CSMD1: variants seen among roughly 807,000 people sequenced by gnomAD.
CSMD1 encodes the protein CUB and Sushi multiple domains 1, also known as CUB and sushi domain-containing protein 1.
A neutral mutation model predicts 417.5 loss-of-function variants in CSMD1; 213 were observed. The observed-to-expected ratio is 0.51, with a 90% CI of 0.46 to 0.57. CSMD1 has a LOEUF of 0.57. Ranked by LOEUF, CSMD1 falls within the 20% of genes least tolerant of loss-of-function variation. The pLI, the probability that CSMD1 is intolerant of heterozygous loss-of-function variation, is 0.00. For missense variants in CSMD1, 6,923 were observed against 4,529.7 expected (o/e 1.53, Z -15.17); for synonymous variants, 2,862 against 1,736.8 (o/e 1.65, Z -16.11).
rs561234514 is a variant in CSMD1 at position 4,984,996 on chromosome 8, A to G, written c.85+9336T>C. ...CACTCAGAGATTCATCCTCTTTGTT[A>G]AAAATGTGATGTAGCCATGGAATAC... On this transcript the variant is annotated intron_variant, in intron 1 of 69. Coordinates refer to ENST00000635120, the MANE Select transcript of CSMD1 (RefSeq NM_033225.6). 2.6e-5 allele frequency among the ~76,000 whole-genome samples: 4 copies of G among 152,300 alleles called. No individual in the cohort carries two copies. In the South Asian group the frequency reaches 8.3e-4, roughly 32 times the overall value.
chr8:4,429,657 G>A (rs138846365), intron 2 of CSMD1, among the ~76,000 whole-genome samples: 2 of 152,218 alleles, frequency 1.3e-5, no homozygotes, highest in Admixed American at 6.5e-5. Context: ...GGCCCTTCAT[G>A]CTGGGTACCC....
chr8:3,909,867 G>A (rs1388356884), intron 5 of CSMD1, among the ~76,000 whole-genome samples: 1 of 152,086 alleles, frequency 6.6e-6, no homozygotes, highest in African/African-American at 2.4e-5. Flanking sequence ...CAAGTTGATG[G>A]AATGGGTACA....
At chr8:4,852,415 T>TGATGCAC in intron 1 of CSMD1, among the ~76,000 whole-genome samples, 1 of 152,266 alleles carries the variant, frequency 6.6e-6, no homozygotes, top group Non-Finnish European at 1.5e-5. Context: ...TCTTGCTATG[T>TGATGCAC]GATGCACTGT....
intron 5 of CSMD1, among the ~76,000 whole-genome samples, chr8:3,934,362 T>C (rs1810345920): frequency 6.6e-6 from 1 of 152,198 alleles, no homozygotes. Context: ...AAAATACATA[T>C]TTAGTCTTGC....
At chr8:4,347,781 G>A (rs1007343255) in intron 3 of CSMD1, among the ~76,000 whole-genome samples, 2 of 151,978 alleles carry the variant, frequency 1.3e-5, no homozygotes, top group African/African-American at 4.8e-5. Context: ...TAAAGTTTTA[G>A]TAACTCTAAA....
At chr8:4,210,576 C>G (rs1031530016) in intron 3 of CSMD1, among the ~76,000 whole-genome samples, 15 of 152,056 alleles carry the variant, frequency 9.9e-5, no homozygotes, top group African/African-American at 3.4e-4. Flanking sequence ...CAATATCTGA[C>G]CAATTTTCTA....
At chr8:4,192,314 G>T (rs1382921144) in intron 3 of CSMD1, among the ~76,000 whole-genome samples, 2 of 152,182 alleles carry the variant, frequency 1.3e-5, no homozygotes, top group Non-Finnish European at 2.9e-5. Context: ...CAATTACATT[G>T]TCCCATCAAG....
intron 10 of CSMD1, among the ~76,000 whole-genome samples, chr8:3,524,478 C>T (rs1156251024): frequency 6.6e-6 from 1 of 151,626 alleles, no homozygotes; most frequent in Non-Finnish European, 1.5e-5. Context: ...CCCAGAAAGA[C>T]ATGTGCACAC....
chr8:4,956,820 A>G (rs886415735), intron 1 of CSMD1, among the ~76,000 whole-genome samples: 3 of 152,156 alleles, frequency 2.0e-5, no homozygotes, highest in African/African-American at 7.2e-5. Context: ...CACCTGTTGC[A>G]TTGCTTCCAC....
At chr8:3,449,556 T>C (rs1158717043) in intron 12 of CSMD1, among the ~76,000 whole-genome samples, 5 of 152,128 alleles carry the variant, frequency 3.3e-5, no homozygotes, top group Non-Finnish European at 7.4e-5. Context: ...TCTCTCTTGT[T>C]GCCCAGGCTG....
intron 3 of CSMD1, among the ~76,000 whole-genome samples, chr8:4,333,898 T>C (rs950810066): frequency 6.6e-6 from 1 of 152,226 alleles, no homozygotes; most frequent in African/African-American, 2.4e-5. Flanking sequence ...TTATTTCTTT[T>C]TGTTTTGTTT....
At position 4,116,776 on chromosome 8, in the gene CSMD1, G is replaced by C. The variant is rs184668881; in HGVS notation, c.416-84677C>G. On this transcript the variant is annotated intron_variant, in intron 3 of 69. Transcript: ENST00000635120. Reference sequence around the variant, plus strand: ...GGCAGGGGGTGCGGGAAACTCTATAGTCTGTTCGGTTTTGCTGTCAACCTA... The same window carrying C: ...GGCAGGGGGTGCGGGAAACTCTATACTCTGTTCGGTTTTGCTGTCAACCTA... 7.7e-4 allele frequency among the ~76,000 whole-genome samples: 117 copies of C among 152,074 alleles called. 2 individuals carry two copies. Among genetic ancestry groups the C allele is most frequent in the East Asian group, 4.5e-3 (23 of 5,158 alleles).
chr8:4,244,132 C>T (rs906430790), intron 3 of CSMD1, among the ~76,000 whole-genome samples: 4 of 152,130 alleles, frequency 2.6e-5, no homozygotes, highest in Non-Finnish European at 4.4e-5. Flanking sequence ...GAGTTTCGCG[C>T]AGCACAAGTA....
At chr8:4,274,714 A>G (rs1173979128) in intron 3 of CSMD1, among the ~76,000 whole-genome samples, 1 of 152,200 alleles carries the variant, frequency 6.6e-6, no homozygotes, top group Non-Finnish European at 1.5e-5. Flanking sequence ...AGTCAACATA[A>G]TACATAGCAT....
intron 20 of CSMD1, among the ~76,000 whole-genome samples, chr8:3,360,658 A>G (rs1359057084): frequency 2.0e-5 from 3 of 152,236 alleles, no homozygotes; most frequent in East Asian, 3.8e-4. Flanking sequence ...TGGGACAATG[A>G]AGATCACTCT....
At chr8:4,049,204 A>G (rs1218177714) in intron 3 of CSMD1, among the ~76,000 whole-genome samples, 3 of 151,982 alleles carry the variant, frequency 2.0e-5, no homozygotes, top group African/African-American at 4.8e-5. Flanking sequence ...GTCTTTCTCT[A>G]TCTATTCTGA....
intron 49 of CSMD1, among the ~76,000 whole-genome samples, chr8:3,068,185 T>G (rs1388085068): frequency 6.6e-6 from 1 of 152,222 alleles, no homozygotes; most frequent in African/African-American, 2.4e-5. Flanking sequence ...CTCTCTGTGG[T>G]AATTTTCTTC....
At chr8:4,069,069 A>T (rs1386852570) in intron 3 of CSMD1, among the ~76,000 whole-genome samples, 1 of 152,198 alleles carries the variant, frequency 6.6e-6, no homozygotes, top group African/African-American at 2.4e-5. Context: ...ACTCCTTCTT[A>T]AAACAATTTT....
intron 1 of CSMD1, among the ~76,000 whole-genome samples, chr8:4,800,490 T>C (rs561777293): frequency 6.6e-6 from 1 of 152,056 alleles, no homozygotes; most frequent in Non-Finnish European, 1.5e-5. Context: ...GTCTTAGGTT[T>C]AATTCCTGGG....
Sources: gnomAD v4.1 joint callset for allele counts (sites outside exome capture counted in the v4.1 genomes callset) on GRCh38, gnomAD v4.1.1 for gene constraint, MANE v1.5 for transcripts, NCBI Gene and HGNC (gene_info 2026-07-23, HGNC 2026-07-21) for gene names.